Variants in SLC20A1 observed in about 807,000 individuals in gnomAD.
The protein encoded by SLC20A1 is sodium-dependent phosphate transporter 1.
SLC20A1 carries 28 observed loss-of-function variants against 62.7 expected under a neutral mutation model. The ratio of observed to expected loss-of-function variants is 0.45; its 90% CI spans 0.33 to 0.61. SLC20A1 has a LOEUF of 0.61. Among genes scored for constraint, SLC20A1 ranks in the 20% least tolerant of loss-of-function variants. The pLI is 0.02. For synonymous variants in SLC20A1, 305 were observed against 302.9 expected, an observed-to-expected ratio of 1.01 and a Z score of -0.07; for missense variants, 673 against 838.6, an observed-to-expected ratio of 0.80 and a Z score of 2.44.
chr2:112,651,374 T>A (rs1004817848), intron 4 of SLC20A1, among the ~76,000 whole-genome samples: 3 of 152,184 alleles, frequency 2.0e-5, no homozygotes, highest in Non-Finnish European at 4.4e-5. Context: ...GTTTTTAGCC[T>A]TCCCATATAT....
At chr2:112,655,729 C>G (rs1686567101) in intron 5 of SLC20A1, among the ~76,000 whole-genome samples, 1 of 152,098 alleles carries the variant, frequency 6.6e-6, no homozygotes, top group African/African-American at 2.4e-5. Flanking sequence ...GAGTTTCGCT[C>G]TTGTCACCCA....
At chr2:112,662,615 A>C (rs1251927426) in intron 10 of SLC20A1, among the ~76,000 whole-genome samples, 1 of 152,226 alleles carries the variant, frequency 6.6e-6, no homozygotes, top group Non-Finnish European at 1.5e-5. Flanking sequence ...TATATTCATT[A>C]AATTTTAGCA....
chr2:112,661,104 A>G (rs1686736888), intron 9 of SLC20A1, 38 bp from the exon 10 acceptor site: 1 of 1,559,266 alleles, frequency 6.4e-7, no homozygotes, highest in Non-Finnish European at 8.8e-7. Context: ...CAAAAAAGTC[A>G]AACTCACTTC....
rs1406836053 is a variant in SLC20A1, at chr2:112,659,235, C to G, written c.1080C>G (p.Val360=). The G allele has an allele frequency of 6.2e-7, 1 of 1,614,038 alleles. No homozygotes were observed. Among genetic ancestry groups the G allele is most frequent in the Non-Finnish European group, 8.5e-7 (1 of 1,179,980 alleles). ...GAVQLPNGNL[V]QFSQAVSNQI... ...TGCAGTTGCCTAATGGGAACCTTGT[C>G]CAGTTCAGTCAAGCCGTCAGCAACC... is the stretch of plus-strand genomic sequence containing the variant. Residue 360 remains valine (V), a synonymous_variant, in exon 8 of 11, where the codon GTC becomes GTG. Coordinates refer to ENST00000272542, the MANE Select transcript of SLC20A1 (RefSeq NM_005415.5).
At chr2:112,656,575 C>T (rs919723392) in intron 5 of SLC20A1, among the ~76,000 whole-genome samples, 1 of 152,154 alleles carries the variant, frequency 6.6e-6, no homozygotes, top group Admixed American at 6.5e-5. Context: ...CTGTATCTTG[C>T]TTTGATACTG....
In SLC20A1 at chr2:112,658,841, T is replaced by G; in HGVS notation, c.795T>G (p.Ser265Arg). ...KRKIEREIKC[S>R]PSESPLMEKK... ...TTTTCCTAGGAGAAATAAAGTGTAG[T>G]CCTTCTGAAAGCCCCTTAATGGAAA... is the stretch of plus-strand genomic sequence containing the variant. The change falls in exon 7 of 11, where the codon AGT (serine) becomes AGG (arginine). Residue 265 changes from serine to arginine, a missense_variant. By Grantham distance (110) the Ser-to-Arg change is moderately radical. Coordinates refer to ENST00000272542, the MANE Select transcript of SLC20A1 (RefSeq NM_005415.5). 3 of 1,610,926 alleles carry G rather than the reference T, an allele frequency of 1.9e-6. No homozygotes were observed. The highest frequency in any genetic ancestry group is 2.5e-6 in the Non-Finnish European group (3 of 1,178,334).
intron 3 of SLC20A1, 80 bp downstream of exon 3, chr2:112,647,544 C>G: frequency 6.3e-7 from 1 of 1,584,728 alleles, no homozygotes; most frequent in Non-Finnish European, 8.7e-7. Context: ...AGGATGTGTT[C>G]TAACGTCGAG....
Position 112,658,094 on chromosome 2 carries a change from C to T in SLC20A1, c.779-731C>T, listed in dbSNP as rs140275224. Among the ~76,000 whole-genome samples the T allele has an allele frequency of 2.3e-3, 345 of 152,272 alleles. 5 individuals are homozygous for T. The highest frequency in any genetic ancestry group is 3.9e-3 in the East Asian group (20 of 5,182). On this transcript the variant is annotated intron_variant, in intron 6 of 10. Coordinates refer to ENST00000272542, the MANE Select transcript of SLC20A1 (RefSeq NM_005415.5). ...AGGTTCTGTGCTAGTCTGGCTGTGC[C>T]GAGTGCACGGTGGGAACCAGGCTTT...
chr2:112,652,986 G>C, intron 5 of SLC20A1, 188 bp downstream of exon 5: 2 of 1,443,262 alleles, frequency 1.4e-6, no homozygotes, highest in Non-Finnish European at 1.9e-6. Flanking sequence ...CAACCAAAGA[G>C]ACCTGCTCAG....
chr2:112,659,814 C>T (rs748698962), intron 8 of SLC20A1, 52 bp downstream of exon 8: 3 of 1,499,128 alleles, frequency 2.0e-6, no homozygotes, highest in African/African-American at 1.4e-5. Flanking sequence ...AACCATTTAT[C>T]CTTGTCACAG....
At chr2:112,661,064 G>A (rs1433143020) in intron 9 of SLC20A1, 78 bp from the exon 10 acceptor site, 19 of 1,002,082 alleles carry the variant, frequency 1.9e-5, no homozygotes, top group Non-Finnish European at 2.9e-5. Flanking sequence ...AAGCAGGACT[G>A]TGTTAACTTG....
At chr2:112,662,526 G>A (rs1363716574) in intron 10 of SLC20A1, among the ~76,000 whole-genome samples, 5 of 152,216 alleles carry the variant, frequency 3.3e-5, no homozygotes, top group Non-Finnish European at 7.3e-5. Context: ...GTTGCAGTGA[G>A]CCAAGATTGC....
rs1401929976 is a variant in SLC20A1 at position 112,658,996 on chromosome 2, T to G, written c.950T>G (p.Val317Gly). 1.9e-6 allele frequency: 3 copies of G among 1,614,132 alleles called. No homozygotes were observed. The highest frequency in any genetic ancestry group is 2.5e-6 in the Non-Finnish European group (3 of 1,180,022). The change falls in exon 7 of 11, where the codon GTC becomes GGC. Residue 317 changes from valine to glycine, a missense_variant. Transcript: ENST00000272542. ...PLQAVVEERTVSFKLGDLEEA... is the reference protein window; with the variant it reads ...PLQAVVEERTGSFKLGDLEEA... Reference sequence around the variant, plus strand: ...CAGGCTGTGGTGGAGGAGAGAACAGTCTCATTCAAACTTGGAGATTTGGAG... The same window carrying G: ...CAGGCTGTGGTGGAGGAGAGAACAGGCTCATTCAAACTTGGAGATTTGGAG...
intron 4 of SLC20A1, among the ~76,000 whole-genome samples, chr2:112,648,860 A>G (rs1174517281): frequency 6.6e-6 from 1 of 152,248 alleles, no homozygotes; most frequent in African/African-American, 2.4e-5. Context: ...ACTGTAGTGT[A>G]TGATACTGGG....
intron 9 of SLC20A1, 188 bp downstream of exon 9, chr2:112,660,760 T>C: frequency 3.5e-6 from 2 of 577,160 alleles, no homozygotes; most frequent in South Asian, 5.2e-5. Context: ...ATTTTACCCA[T>C]TTAGCTCTGG....
At position 112,657,254 on chromosome 2, in the gene SLC20A1, T is replaced by TC; in HGVS notation, c.778+13_778+14insC. ...AGAAAAATTGAACGTAAGTAATAAC[T>TC]AAACAGCAGAAAAGTTTAACTACTA... is the stretch of plus-strand genomic sequence containing the variant. On this transcript the variant is annotated intron_variant, in intron 6 of 10. Coordinates refer to ENST00000272542, the MANE Select transcript of SLC20A1 (RefSeq NM_005415.5). 6.2e-7 allele frequency: 1 copy of TC among 1,609,100 alleles called. No homozygotes were observed. The highest frequency in any genetic ancestry group is 8.5e-7 in the Non-Finnish European group (1 of 1,177,410).
In SLC20A1 at chr2:112,659,646, T is replaced by C. The variant is rs1215524722; in HGVS notation, c.1491T>C (p.Asn497=). Residue 497 remains asparagine, a synonymous_variant, in exon 8 of 11, where the codon AAT becomes AAC. Transcript: ENST00000272542. ...GTCTAGGTGACAGAAAAGGAAGTAATGGCTCTCTAGAAGAATGGTATGACC... is the reference window on the plus strand; with the variant it reads ...GTCTAGGTGACAGAAAAGGAAGTAACGGCTCTCTAGAAGAATGGTATGACC... ...EMGLGDRKGS[N]GSLEEWYDQD... is the part of the protein sequence containing the mutation. The C allele has an allele frequency of 1.2e-6, 2 of 1,614,102 alleles. No individual in the cohort carries two copies. Among genetic ancestry groups the C allele is most frequent in the African/African-American group, 2.7e-5 (2 of 74,930 alleles).
chr2:112,656,918 T>G (rs1574187107), intron 5 of SLC20A1: 2 of 613,380 alleles, frequency 3.3e-6, no homozygotes. Flanking sequence ...GCTAGGCTGG[T>G]GTGGGTTTTC....
At chr2:112,662,287 A>G (rs1686770243) in intron 10 of SLC20A1, among the ~76,000 whole-genome samples, 1 of 152,234 alleles carries the variant, frequency 6.6e-6, no homozygotes, top group Admixed American at 6.5e-5. Context: ...TTTGTTATTA[A>G]AAGCAGTGTA....
Sources: allele counts gnomAD v4.1 joint callset (sites outside exome capture counted in the v4.1 genomes callset), GRCh38; gene constraint gnomAD v4.1.1; transcripts MANE v1.5; gene names NCBI Gene and HGNC (gene_info 2026-07-23, HGNC 2026-07-21).